TLN2: variants seen among roughly 807,000 people sequenced by gnomAD.
TLN2 encodes talin-2.
Under a neutral mutation model 294.7 loss-of-function variants are expected in TLN2, and 118 were observed. The observed-to-expected ratio is 0.40, with a 90% CI of 0.34 to 0.47. The LOEUF is 0.47. TLN2 is among the 20% of genes least tolerant of loss of function. The pLI is 0.84. For synonymous variants in TLN2, 1,431 were observed against 1,304.5 expected, an observed-to-expected ratio of 1.10 and a Z score of -2.09; for missense variants, 3,083 against 3,282.2, an observed-to-expected ratio of 0.94 and a Z score of 1.48.
chr15:62,538,109 CTA>C (rs2041466434), intron 1 of TLN2, among the ~76,000 whole-genome samples: 1 of 152,098 alleles, frequency 6.6e-6, no homozygotes, highest in Non-Finnish European at 1.5e-5. Flanking sequence ...GTAACTCCAG[CTA>C]CTCAGAGGCT....
intron 1 of TLN2, among the ~76,000 whole-genome samples, chr15:62,507,018 T>C (rs1460812221): frequency 6.6e-6 from 1 of 152,214 alleles, no homozygotes; most frequent in African/African-American, 2.4e-5. Context: ...TCTTTTTAGC[T>C]TAAAAACACT....
At chr15:62,549,975 T>C (rs2042206952) in intron 1 of TLN2, among the ~76,000 whole-genome samples, 1 of 152,046 alleles carries the variant, frequency 6.6e-6, no homozygotes, top group African/African-American at 2.4e-5. Context: ...GGCAACATAC[T>C]TTAATCTACA....
At chr15:62,716,954 A>T (rs574154530) in intron 23 of TLN2, among the ~76,000 whole-genome samples, 43 of 149,968 alleles carry the variant, frequency 2.9e-4, no homozygotes, top group African/African-American at 9.8e-4. Context: ...TTTTTTTTTT[A>T]AAAAGTTTGT....
intron 3 of TLN2, among the ~76,000 whole-genome samples, chr15:62,643,646 T>C (rs2051440243): frequency 6.6e-6 from 1 of 151,958 alleles, no homozygotes; most frequent in African/African-American, 2.4e-5. Flanking sequence ...TGGCCAAGCA[T>C]TGAGTATCTA....
chr15:62,442,492 CAGAAAA>C (rs1365009206), intron 1 of TLN2, among the ~76,000 whole-genome samples: 127 of 65,558 alleles, frequency 1.9e-3, no homozygotes, highest in Non-Finnish European at 3.1e-3. Flanking sequence ...GACTCTGTCT[CAGAAAA>C]AAAAAAAAAA....
intron 35 of TLN2, 131 bp downstream of exon 35, chr15:62,752,558 C>A: frequency 7.5e-7 from 1 of 1,329,962 alleles, no homozygotes; most frequent in Non-Finnish European, 1.0e-6. Flanking sequence ...GGCTTCTGTG[C>A]TGGCTGGGGC....
intron 44 of TLN2, among the ~76,000 whole-genome samples, chr15:62,782,056 T>G (rs572079675): frequency 2.0e-5 from 3 of 152,362 alleles, no homozygotes; most frequent in Non-Finnish European, 4.4e-5. Context: ...AGATGCCTCT[T>G]TGATACTTGC....
chr15:62,731,746 C>T (rs896044381), intron 28 of TLN2, among the ~76,000 whole-genome samples: 4 of 152,322 alleles, frequency 2.6e-5, no homozygotes, highest in Admixed American at 2.6e-4. Flanking sequence ...ATTTCAAGAT[C>T]TTGGCCCTCT....
intron 1 of TLN2, among the ~76,000 whole-genome samples, chr15:62,411,023 A>G (rs138455931): frequency 1.3e-5 from 2 of 152,268 alleles, no homozygotes; most frequent in Non-Finnish European, 2.9e-5. Context: ...CTGGCTTTGG[A>G]GTCATTCATC....
chr15:62,777,844 A>G (rs1421860863), intron 43 of TLN2, among the ~76,000 whole-genome samples: 2 of 152,310 alleles, frequency 1.3e-5, no homozygotes, highest in South Asian at 2.1e-4. Context: ...ATGACTGGAG[A>G]CAGTTTCAAC....
Position 62,690,594 on chromosome 15 carries a change from T to C in TLN2, c.1114-2246T>C, listed in dbSNP as rs373685782. 2.0e-3 allele frequency: 315 copies of C among 157,112 alleles called. 7 individuals are homozygous for C. In the East Asian group the frequency reaches 0.03, roughly 15 times the overall value. The allele number at this position is 157,112 out of a possible 1,614,324, so 9.7% of individuals were successfully genotyped here. On this transcript the variant is annotated intron_variant, in intron 12 of 58. Transcript: ENST00000636159. Reference sequence around the variant, plus strand: ...TGGGCGGCCAGGCAGAGACGCTCCTTACTTCCCAGACGGGGTGGCGGCCGG... The same window carrying C: ...TGGGCGGCCAGGCAGAGACGCTCCTCACTTCCCAGACGGGGTGGCGGCCGG...
chr15:62,810,383 C>T (rs1256346465), intron 52 of TLN2, among the ~76,000 whole-genome samples: 1 of 152,144 alleles, frequency 6.6e-6, no homozygotes, highest in African/African-American at 2.4e-5. Context: ...TAGGAAACCC[C>T]CAGTACATCC....
chr15:62,549,424 C>G (rs558764816), intron 1 of TLN2, among the ~76,000 whole-genome samples: 28 of 152,088 alleles, frequency 1.8e-4, no homozygotes, highest in African/African-American at 2.4e-5. Flanking sequence ...TGTGAGCCAC[C>G]GCCCCTGGCC....
At chr15:62,655,805 T>G (rs946538339) in intron 7 of TLN2, 139 bp from the exon 8 acceptor site, 179 of 1,044,080 alleles carry the variant, frequency 1.7e-4, no homozygotes, top group Non-Finnish European at 2.3e-4. Flanking sequence ...ACCATAGTTC[T>G]AAAATAAGAA....
chr15:62,717,733 C>G, intron 24 of TLN2, 44 bp downstream of exon 24: 1 of 1,400,080 alleles, frequency 7.1e-7, no homozygotes, highest in Non-Finnish European at 9.6e-7. Flanking sequence ...TGCAGATGAC[C>G]CTGATAACAT....
At chr15:62,825,818 A>ATATAT (rs1555521996) in intron 54 of TLN2, among the ~76,000 whole-genome samples, 25 of 74,456 alleles carry the variant, frequency 3.4e-4, no homozygotes, top group African/African-American at 2.1e-3. Flanking sequence ...TTATATTATA[A>ATATAT]TATATATTAT....
chr15:62,416,877 A>G (rs878964390), intron 1 of TLN2, among the ~76,000 whole-genome samples: 2 of 152,246 alleles, frequency 1.3e-5, no homozygotes, highest in East Asian at 1.9e-4. Context: ...CTCACCTGAA[A>G]AATGAGGAGT....
At chr15:62,802,289 G>C (rs960292104) in intron 50 of TLN2, among the ~76,000 whole-genome samples, 2 of 151,944 alleles carry the variant, frequency 1.3e-5, no homozygotes, top group African/African-American at 4.8e-5. Context: ...CTAATGATAG[G>C]ATCTCATTTT....
chr15:62,717,360 G>T (rs1032782457), intron 23 of TLN2, among the ~76,000 whole-genome samples: 1 of 152,144 alleles, frequency 6.6e-6, no homozygotes, highest in Non-Finnish European at 1.5e-5. Flanking sequence ...GAGCTTTCAA[G>T]CGTGCCTGTC....
Sources: allele counts gnomAD v4.1 joint callset (sites outside exome capture counted in the v4.1 genomes callset), GRCh38; gene constraint gnomAD v4.1.1; transcripts MANE v1.5; gene names NCBI Gene and HGNC (gene_info 2026-07-23, HGNC 2026-07-21).